ROR1: variants seen among roughly 807,000 people sequenced by gnomAD.
ROR1 encodes ROR family WNT receptor 1, also known as inactive tyrosine-protein kinase transmembrane receptor ROR1.
A neutral mutation model predicts 78.8 loss-of-function variants in ROR1; 19 were observed. The ratio of observed to expected loss-of-function variants is 0.24; its 90% confidence interval spans 0.17 to 0.35. The LOEUF (loss-of-function observed/expected upper bound fraction) is 0.35, where lower values mean the gene tolerates loss of function less well. ROR1 is among the 10% of genes least tolerant of loss of function. ROR1 has a pLI of 1.00. For missense variants in ROR1, 917 were observed against 1,177.8 expected, an observed-to-expected ratio of 0.78 and a Z score of 3.24; for synonymous variants, 386 against 433.6, an observed-to-expected ratio of 0.89 and a Z score of 1.36.
chr1:64,060,624 G>C (rs1004107440), intron 4 of ROR1, among the ~76,000 whole-genome samples: 1 of 152,136 alleles, frequency 6.6e-6, no homozygotes, highest in African/African-American at 2.4e-5. Flanking sequence ...GCAGTTCAGG[G>C]GGGAGGCATC....
intron 2 of ROR1, among the ~76,000 whole-genome samples, chr1:64,022,746 C>T (rs961361090): frequency 6.6e-6 from 1 of 152,090 alleles, no homozygotes; most frequent in South Asian, 2.1e-4. Flanking sequence ...ATATATGTCT[C>T]TTTATTTTTA....
chr1:63,953,446 C>T (rs186341340), intron 1 of ROR1, among the ~76,000 whole-genome samples: 45 of 152,174 alleles, frequency 3.0e-4, no homozygotes, highest in Non-Finnish European at 5.1e-4. Flanking sequence ...ATTAATATAC[C>T]GTAATAAAAG....
chr1:63,811,438 A>G (rs1644859432), intron 1 of ROR1, among the ~76,000 whole-genome samples: 1 of 152,208 alleles, frequency 6.6e-6, no homozygotes, highest in Non-Finnish European at 1.5e-5. Context: ...GTGTTTTGTC[A>G]GGGGAGTGAG....
intron 4 of ROR1, among the ~76,000 whole-genome samples, chr1:64,089,796 C>G (rs1304897845): frequency 2.0e-5 from 3 of 152,102 alleles, no homozygotes; most frequent in Non-Finnish European, 4.4e-5. Context: ...TGGTTGTTTC[C>G]CTACCCAAAT....
chr1:63,803,036 G>C (rs1458778144), intron 1 of ROR1, among the ~76,000 whole-genome samples: 2 of 152,060 alleles, frequency 1.3e-5, no homozygotes, highest in East Asian at 1.9e-4. Context: ...TTCAAATCAG[G>C]TGTGTAAATT....
chr1:64,139,120 G>A (rs1401927936), intron 5 of ROR1, among the ~76,000 whole-genome samples: 16 of 142,516 alleles, frequency 1.1e-4, no homozygotes, highest in Non-Finnish European at 1.5e-5. Context: ...TGAGCTGAGA[G>A]CGTAACCCTG....
At chr1:64,174,446 G>A (rs1169539206) in intron 8 of ROR1, among the ~76,000 whole-genome samples, 3 of 152,162 alleles carry the variant, frequency 2.0e-5, no homozygotes, top group Admixed American at 2.0e-4. Context: ...GGAGTCCAAA[G>A]CTCACTTAGT....
At position 64,020,560 on chromosome 1, in the gene ROR1, A is replaced by C. The variant is rs185696635; in HGVS notation, c.163+11184A>C. Among the ~76,000 whole-genome samples the C allele has an allele frequency of 2.7e-3, 410 of 152,294 alleles. 1 individual carries two copies. Among genetic ancestry groups the C allele is most frequent in the African/African-American group, 9.3e-3 (388 of 41,568 alleles). On this transcript the variant is annotated intron_variant, in intron 2 of 8. Transcript: ENST00000371079. Reference sequence around the variant, plus strand: ...ATGATAGGTGCTGCAAAGGAGATGAATGAAAAAATAAGACTTATCCTGGAA... The same window carrying C: ...ATGATAGGTGCTGCAAAGGAGATGACTGAAAAAATAAGACTTATCCTGGAA...
At chr1:63,907,423 A>G in intron 1 of ROR1, among the ~76,000 whole-genome samples, 1 of 152,240 alleles carries the variant, frequency 6.6e-6, no homozygotes, top group East Asian at 1.9e-4. Context: ...GAAACCAGCT[A>G]TGCTAAGTGT....
chr1:63,915,332 T>C (rs1378291495), intron 1 of ROR1, among the ~76,000 whole-genome samples: 2 of 152,238 alleles, frequency 1.3e-5, no homozygotes, highest in East Asian at 3.9e-4. Context: ...CCCCCTGGTG[T>C]ATAGTCTAAG....
intron 4 of ROR1, among the ~76,000 whole-genome samples, chr1:64,090,043 T>G (rs531245760): frequency 6.6e-6 from 1 of 152,212 alleles, no homozygotes; most frequent in African/African-American, 2.4e-5. Context: ...TCTTCCACCA[T>G]GATTATGAGA....
At chr1:63,843,471 C>A in intron 1 of ROR1, 2 of 766,494 alleles carry the variant, frequency 2.6e-6, no homozygotes, top group Non-Finnish European at 4.7e-6. Flanking sequence ...TGGCAGCATC[C>A]TGACAAAGGT....
At chr1:64,017,948 T>G (rs1172389164) in intron 2 of ROR1, among the ~76,000 whole-genome samples, 2 of 152,260 alleles carry the variant, frequency 1.3e-5, no homozygotes, top group African/African-American at 4.8e-5. Flanking sequence ...ATTTCTGGAC[T>G]CATAAATAAT....
intron 4 of ROR1, among the ~76,000 whole-genome samples, chr1:64,093,034 T>G (rs577299473): frequency 1.9e-4 from 29 of 152,314 alleles, no homozygotes; most frequent in African/African-American, 6.7e-4. Context: ...CTTTGGGCTC[T>G]TGAGCTGTCC....
intron 1 of ROR1, among the ~76,000 whole-genome samples, chr1:63,946,726 C>G (rs1227676519): frequency 6.6e-6 from 1 of 152,178 alleles, no homozygotes; most frequent in African/African-American, 2.4e-5. Context: ...TGGCCTCTTT[C>G]TTCTACATCC....
intron 1 of ROR1, among the ~76,000 whole-genome samples, chr1:63,892,758 G>C (rs1388904139): frequency 3.3e-5 from 5 of 152,166 alleles, no homozygotes; most frequent in Non-Finnish European, 7.3e-5. Flanking sequence ...CTAAACTTAG[G>C]CTTTCTCATC....
Position 64,180,160 on chromosome 1 carries a change from TGCA to T in ROR1, c.*1308_*1310del, listed in dbSNP as rs1158742607. The T allele has an allele frequency of 2.6e-5, 4 of 152,216 alleles. No homozygotes were observed. Among genetic ancestry groups the T allele is most frequent in the Non-Finnish European group, 4.4e-5 (3 of 68,036 alleles). 9.4% of individuals were successfully genotyped at this position (152,216 alleles called of 1,614,324 possible). On this transcript the variant is annotated 3_prime_UTR_variant, in exon 9 of 9. Coordinates refer to ENST00000371079, the MANE Select transcript of ROR1 (RefSeq NM_005012.4). ...TTGCCTTAGTGGGAGGTTTCAAATG[TGCA>T]GCTCATGGCATTTACCTGCCGACCA...
At chr1:63,870,263 G>C (rs1313938664) in intron 1 of ROR1, among the ~76,000 whole-genome samples, 1 of 152,140 alleles carries the variant, frequency 6.6e-6, no homozygotes, top group African/African-American at 2.4e-5. Flanking sequence ...TCTGCATGCG[G>C]ACATTTAGCT....
intron 4 of ROR1, among the ~76,000 whole-genome samples, chr1:64,062,757 C>A (rs1257473611): frequency 1.3e-5 from 2 of 152,174 alleles, no homozygotes; most frequent in Non-Finnish European, 2.9e-5. Context: ...ACTCATAGAG[C>A]TTTTTGAGGG....
Sources: allele counts gnomAD v4.1 joint callset (sites outside exome capture counted in the v4.1 genomes callset), GRCh38; gene constraint gnomAD v4.1.1; transcripts MANE v1.5; gene names NCBI Gene and HGNC (gene_info 2026-07-23, HGNC 2026-07-21).